The following CTNNA2 variants were observed in gnomAD, a reference collection of about 807,000 sequenced individuals.
The protein encoded by CTNNA2 is catenin alpha 2, also known as catenin alpha-2.
A neutral mutation model predicts 101.0 loss-of-function variants in CTNNA2; 42 were observed. The observed-to-expected ratio is 0.42, with a 90% confidence interval of 0.32 to 0.54. CTNNA2 has a LOEUF of 0.54. Ranked by LOEUF, CTNNA2 falls within the 20% of genes least tolerant of loss-of-function variation. The probability of loss-of-function intolerance (pLI) is 0.14; values close to 1 mark genes in which losing one functional copy is unlikely to be tolerated. For synonymous variants in CTNNA2, 450 were observed against 456.4 expected (o/e 0.99, Z 0.18); for missense variants, 871 against 1,223.1 (o/e 0.71, Z 4.29).
chr2:79,834,805 A>G (rs1679192810), intron 3 of CTNNA2, among the ~76,000 whole-genome samples: 2 of 151,942 alleles, frequency 1.3e-5, no homozygotes, highest in African/African-American at 4.8e-5. Flanking sequence ...ATATCTCTAA[A>G]TATTTTGCTA....
chr2:80,296,634 T>G (rs1424031152), intron 7 of CTNNA2, among the ~76,000 whole-genome samples: 1 of 152,226 alleles, frequency 6.6e-6, no homozygotes, highest in Non-Finnish European at 1.5e-5. Context: ...AGACCATTCC[T>G]TGTAAAGCTG....
chr2:80,539,382 C>A (rs1391506092), intron 9 of CTNNA2, among the ~76,000 whole-genome samples: 2 of 130,024 alleles, frequency 1.5e-5, no homozygotes, highest in Non-Finnish European at 3.2e-5. Flanking sequence ...GTTAAGTATT[C>A]ATGTACTTAC....
At chr2:80,137,007 A>G (rs1702733259) in intron 7 of CTNNA2, among the ~76,000 whole-genome samples, 1 of 152,184 alleles carries the variant, frequency 6.6e-6, no homozygotes, top group Non-Finnish European at 1.5e-5. Context: ...TTCTTTCCTG[A>G]TCAGCCATCA....
At chr2:79,259,803 C>G (rs1316872427) in intron 2 of CTNNA2, among the ~76,000 whole-genome samples, 3 of 152,226 alleles carry the variant, frequency 2.0e-5, no homozygotes, top group African/African-American at 7.2e-5. Flanking sequence ...CACAAAAGAA[C>G]CAAAACACTC....
intron 7 of CTNNA2, among the ~76,000 whole-genome samples, chr2:80,258,865 G>A (rs1672377392): frequency 1.3e-5 from 2 of 152,216 alleles, no homozygotes; most frequent in South Asian, 4.1e-4. Flanking sequence ...TGGTGGAAAG[G>A]ACTCTGCTCT....
At chr2:79,887,946 CCAAA>C (rs1463500624) in intron 6 of CTNNA2, among the ~76,000 whole-genome samples, 2 of 152,150 alleles carry the variant, frequency 1.3e-5, no homozygotes, top group East Asian at 1.9e-4. Context: ...CATCTGGTGG[CCAAA>C]CAAAGCATTA....
intron 3 of CTNNA2, among the ~76,000 whole-genome samples, chr2:79,346,690 A>C (rs1174268659): frequency 6.6e-6 from 1 of 152,222 alleles, no homozygotes; most frequent in Non-Finnish European, 1.5e-5. Context: ...CAATAGTGGA[A>C]GCTATTTATT....
chr2:80,623,775 C>T (rs1450241757), intron 18 of CTNNA2, among the ~76,000 whole-genome samples: 1 of 151,906 alleles, frequency 6.6e-6, no homozygotes, highest in Non-Finnish European at 1.5e-5. Context: ...ACAGGTGATT[C>T]ATTTTCACAC....
intron 7 of CTNNA2, among the ~76,000 whole-genome samples, chr2:80,306,274 C>A (rs1349309933): frequency 6.6e-6 from 1 of 152,158 alleles, no homozygotes; most frequent in African/African-American, 2.4e-5. Flanking sequence ...AGAAAATCAA[C>A]CCCCTTAATT....
At chr2:79,678,127 C>G (rs1263534518) in intron 2 of CTNNA2, among the ~76,000 whole-genome samples, 1 of 152,184 alleles carries the variant, frequency 6.6e-6, no homozygotes, top group Non-Finnish European at 1.5e-5. Flanking sequence ...TAGTTACTTC[C>G]AGATTCGACT....
chr2:79,713,877 A>T (rs1223596732), intron 2 of CTNNA2, among the ~76,000 whole-genome samples: 1 of 152,160 alleles, frequency 6.6e-6, no homozygotes, highest in African/African-American at 2.4e-5. Context: ...AGCACCCAAG[A>T]ATTTAAATTC....
chr2:80,582,553 A>G lies in CTNNA2; in HGVS notation c.2007+734A>G, dbSNP rs78397528. Among the ~76,000 whole-genome samples, 1,518 of 152,252 alleles carry G rather than the reference A, an allele frequency of 1.0e-2. 19 individuals are homozygous for G. The highest frequency in any genetic ancestry group is 0.033 in the African/African-American group (1,387 of 41,542). On this transcript the variant is annotated intron_variant, in intron 14 of 18. Coordinates refer to ENST00000402739, the MANE Select transcript of CTNNA2 (RefSeq NM_001282597.3). ...TAAAGAGCATCCTAAATTTGGATCA[A>G]TCTGATTTGCTGTATCACCCAGAGA...
chr2:79,312,023 C>T (rs1339424101), intron 2 of CTNNA2, among the ~76,000 whole-genome samples: 3 of 151,900 alleles, frequency 2.0e-5, no homozygotes, highest in Admixed American at 6.6e-5. Flanking sequence ...GCTTTTCAGC[C>T]TCTTGAGTAG....
chr2:79,299,297 T>C (rs1676052735), intron 2 of CTNNA2, among the ~76,000 whole-genome samples: 1 of 152,200 alleles, frequency 6.6e-6, no homozygotes, highest in Admixed American at 6.5e-5. Flanking sequence ...TGGAAGAGTC[T>C]AATCCTTGGA....
chr2:80,620,066 G>C (rs1264740970), intron 18 of CTNNA2, among the ~76,000 whole-genome samples: 1 of 151,792 alleles, frequency 6.6e-6, no homozygotes, highest in African/African-American at 2.4e-5. Flanking sequence ...GCAAGCTTTT[G>C]TATAAAAGGG....
intron 2 of CTNNA2, among the ~76,000 whole-genome samples, chr2:79,240,926 G>A (rs58595444): frequency 0.074 from 11,253 of 152,174 alleles, 554 homozygotes; most frequent in East Asian, 0.18. Flanking sequence ...CCCTGCCTCT[G>A]CTGTCCACCT....
chr2:79,714,946 T>A (rs1685975922), intron 2 of CTNNA2, among the ~76,000 whole-genome samples: 1 of 151,162 alleles, frequency 6.6e-6, no homozygotes, highest in African/African-American at 2.4e-5. Flanking sequence ...ATCCCAGCAC[T>A]TTGGGAGGCC....
chr2:80,133,089 T>A (rs1389847071), intron 7 of CTNNA2, among the ~76,000 whole-genome samples: 1 of 152,138 alleles, frequency 6.6e-6, no homozygotes, highest in Non-Finnish European at 1.5e-5. Flanking sequence ...GATGCCCTTA[T>A]AAGAAGAGGG....
At chr2:80,296,487 A>G (rs1675753946) in intron 7 of CTNNA2, among the ~76,000 whole-genome samples, 1 of 152,204 alleles carries the variant, frequency 6.6e-6, no homozygotes, top group African/African-American at 2.4e-5. Flanking sequence ...TTCTTTGAGA[A>G]GCATGTGTTA....
Sources: allele counts gnomAD v4.1 joint callset (sites outside exome capture counted in the v4.1 genomes callset), GRCh38; gene constraint gnomAD v4.1.1; transcripts MANE v1.5; gene names NCBI Gene and HGNC (gene_info 2026-07-23, HGNC 2026-07-21).